Variants in PIEZO2 observed in about 807,000 individuals in gnomAD.
The protein encoded by PIEZO2 is piezo type mechanosensitive ion channel component 2, also known as piezo-type mechanosensitive ion channel component 2.
In PIEZO2, 172 loss-of-function variants were observed where a neutral mutation model predicts 337.3. That is an observed-to-expected ratio of 0.51 (90% CI 0.45 to 0.58). The LOEUF (loss-of-function observed/expected upper bound fraction) is 0.58. PIEZO2 is among the 20% of genes least tolerant of loss of function. PIEZO2 has a pLI of 0.00. For missense variants in PIEZO2, 3,028 were observed against 3,391.3 expected (o/e 0.89, Z 2.66); for synonymous variants, 1,251 against 1,228.5 (o/e 1.02, Z -0.38).
chr18:11,089,463 T>G (rs1237921051), intron 1 of PIEZO2, among the ~76,000 whole-genome samples: 1 of 152,142 alleles, frequency 6.6e-6, no homozygotes, highest in Non-Finnish European at 1.5e-5. Context: ...ACAGGTAATG[T>G]GCCTGCCCAA....
At chr18:10,972,750 A>G (rs2034293484) in intron 3 of PIEZO2, among the ~76,000 whole-genome samples, 1 of 152,166 alleles carries the variant, frequency 6.6e-6, no homozygotes, top group African/African-American at 2.4e-5. Flanking sequence ...TGGAGACAGG[A>G]TTTGGTTTGG....
rs2037586881 is a variant in PIEZO2, at chr18:10,750,073, C to G, written c.4264+18G>C. 1.3e-6 allele frequency: 2 copies of G among 1,521,790 alleles called. No homozygotes were observed. Among genetic ancestry groups the G allele is most frequent in the Non-Finnish European group, 1.8e-6 (2 of 1,132,900 alleles). The allele number at this position is 1,521,790 out of a possible 1,614,324, so 94.3% of individuals were successfully genotyped here. On this transcript the variant is annotated intron_variant, in intron 29 of 55. Transcript: ENST00000674853. This position sits in a 1 kb window ranked among gnomAD's most constrained non-coding sequence, Gnocchi z 4.1. ...CCTCTTCTGCCTTTCTGCCTTCACA[C>G]TTGCTTTTCATACTTACGCATTTGA...
chr18:10,693,356 T>TTTTGTGTGTG (rs1555625694), intron 47 of PIEZO2, among the ~76,000 whole-genome samples: 3 of 89,974 alleles, frequency 3.3e-5, no homozygotes, highest in East Asian at 6.1e-4. Flanking sequence ...AATCTGGATT[T>TTTTGTGTGTG]TGTGTGTGTG....
At chr18:10,985,988 C>T (rs1012348313) in intron 2 of PIEZO2, among the ~76,000 whole-genome samples, 1 of 151,940 alleles carries the variant, frequency 6.6e-6, no homozygotes, top group African/African-American at 2.4e-5. Flanking sequence ...AAGGAACACA[C>T]TTTATGGACA....
Position 10,824,226 on chromosome 18 carries a change from G to A in PIEZO2, c.918-16952C>T, listed in dbSNP as rs1485777. Among the ~76,000 whole-genome samples, 29,761 of 152,104 alleles carry A rather than the reference G, an allele frequency of 0.2. 3,042 individuals carry two copies. The highest frequency in any genetic ancestry group is 0.31 in the Middle Eastern group (92 of 294). ...TCTGGGGCTAGGGAATAATTTACGAGAGTAGCAAGAGACAAGTCTCCATAG... is the reference window on the plus strand; with the variant it reads ...TCTGGGGCTAGGGAATAATTTACGAAAGTAGCAAGAGACAAGTCTCCATAG... On this transcript the variant is annotated intron_variant, in intron 7 of 55. Coordinates refer to ENST00000674853, the MANE Select transcript of PIEZO2 (RefSeq NM_001378183.1). The surrounding 1 kb of genome is among the most constrained non-coding windows in gnomAD (Gnocchi z 4.4).
rs956802439 is a variant in PIEZO2 at position 10,993,209 on chromosome 18, G to A, written c.161-13549C>T. Among the ~76,000 whole-genome samples, 3 of 152,028 alleles carry A rather than the reference G, an allele frequency of 2.0e-5. No individual in the cohort carries two copies. Among genetic ancestry groups the A allele is most frequent in the African/African-American group, 4.8e-5 (2 of 41,400 alleles). On this transcript the variant is annotated intron_variant, in intron 2 of 55. Transcript: ENST00000674853. The surrounding 1 kb of genome is among the most constrained non-coding windows in gnomAD (Gnocchi z 5.0). ...ACTTCCTCTTTTCCTATTTGAATAC[G>A]CTTTATTTCCTTCTCTTGCCTGATT...
rs953678787 is a variant in PIEZO2 at position 10,980,363 on chromosome 18, A to C, written c.161-703T>G. Among the ~76,000 whole-genome samples, 2 of 152,178 alleles carry C rather than the reference A, an allele frequency of 1.3e-5. No individual in the cohort carries two copies. Among genetic ancestry groups the C allele is most frequent in the Non-Finnish European group, 2.9e-5 (2 of 68,004 alleles). Reference sequence around the variant, plus strand: ...GTTATAATTTTTAAAAACATAAAAAAAAAGGAATGGAAGGAAACATCCTTA... The same window carrying C: ...GTTATAATTTTTAAAAACATAAAAACAAAGGAATGGAAGGAAACATCCTTA... On this transcript the variant is annotated intron_variant, in intron 2 of 55. Coordinates refer to ENST00000674853, the MANE Select transcript of PIEZO2 (RefSeq NM_001378183.1). This position sits in a 1 kb window ranked among gnomAD's most constrained non-coding sequence, Gnocchi z 4.8.
rs779775479 is a variant in PIEZO2, at chr18:11,104,995, T to TA, written c.65-38774dup. Among the ~76,000 whole-genome samples the TA allele has an allele frequency of 2.6e-5, 4 of 152,110 alleles. No homozygotes were observed. The highest frequency in any genetic ancestry group is 5.9e-5 in the Non-Finnish European group (4 of 68,028). The stretch of plus-strand genomic sequence containing the variant: ...TTCGCTGGAGCTAATGGAAAAGAGA[T>TA]ACTTTTGTCATGGGAATCACTAGCT... On this transcript the variant is annotated intron_variant, in intron 1 of 55. Coordinates refer to ENST00000674853, the MANE Select transcript of PIEZO2 (RefSeq NM_001378183.1). The surrounding 1 kb of genome is among the most constrained non-coding windows in gnomAD (Gnocchi z 4.6).
chr18:10,910,006 T>A (rs2030316599), intron 4 of PIEZO2, among the ~76,000 whole-genome samples: 1 of 152,240 alleles, frequency 6.6e-6, no homozygotes, highest in Non-Finnish European at 1.5e-5. Flanking sequence ...ACCGATGTGC[T>A]ATTCTTTATT....
intron 52 of PIEZO2, among the ~76,000 whole-genome samples, chr18:10,678,249 G>A (rs2034103845): frequency 6.6e-6 from 1 of 152,220 alleles, no homozygotes; most frequent in Non-Finnish European, 1.5e-5. Context: ...TATTCAGTCA[G>A]AAATTGAATT....
At chr18:10,886,408 ATATATATATATATATG>A (rs2042601162) in intron 4 of PIEZO2, among the ~76,000 whole-genome samples, 2 of 13,756 alleles carry the variant, frequency 1.5e-4, no homozygotes, top group African/African-American at 5.3e-4. Flanking sequence ...ATATATATAT[ATATATATATATATATG>A]TAATCTCCAG....
intron 2 of PIEZO2, among the ~76,000 whole-genome samples, chr18:11,057,501 C>A (rs1453759028): frequency 6.6e-6 from 1 of 152,122 alleles, no homozygotes; most frequent in Non-Finnish European, 1.5e-5. Context: ...TTTTCTGGTT[C>A]TCTGTTAACT....
rs1278602978 is a variant in PIEZO2, at chr18:10,940,853, T to A, written c.287-29625A>T. ...CTCCAGCCTGGCTACAGAGCAAGGC[T>A]CCATCTCAAAAAAAAAAAAGAATTC... On this transcript the variant is annotated intron_variant, in intron 3 of 55. Coordinates refer to ENST00000674853, the MANE Select transcript of PIEZO2 (RefSeq NM_001378183.1). The surrounding 1 kb of genome is among the most constrained non-coding windows in gnomAD (Gnocchi z 5.3). Among the ~76,000 whole-genome samples, 2 of 151,144 alleles carry A rather than the reference T, an allele frequency of 1.3e-5. No individual in the cohort carries two copies. Among genetic ancestry groups the A allele is most frequent in the Non-Finnish European group, 2.9e-5 (2 of 67,870 alleles).
intron 44 of PIEZO2, 116 bp downstream of exon 44, chr18:10,698,803 CATAACA>C: frequency 1.6e-6 from 2 of 1,287,336 alleles, no homozygotes; most frequent in South Asian, 1.5e-5. Context: ...TTTCTTTTCA[CATAACA>C]ATGTCTGTCT....
intron 3 of PIEZO2, among the ~76,000 whole-genome samples, chr18:10,972,650 A>G (rs1264537785): frequency 6.6e-6 from 1 of 152,218 alleles, no homozygotes; most frequent in Non-Finnish European, 1.5e-5. Context: ...CAGCATTGGC[A>G]AGAAACTGAA....
chr18:10,691,338 T>A lies in PIEZO2; in HGVS notation c.7236A>T (p.Lys2412Asn). The A allele has an allele frequency of 6.2e-7, 1 of 1,613,938 alleles. No homozygotes were observed. Among genetic ancestry groups the A allele is most frequent in the Non-Finnish European group, 8.5e-7 (1 of 1,179,970 alleles). Residue 2412 changes from lysine (K) to asparagine (N), a missense_variant, in exon 48 of 56, where the codon AAA becomes AAT. Physicochemically the swap from Lys to Asn is moderately conservative, Grantham distance 94. Transcript: ENST00000674853. ...AAGCAGACAACCCGAAGTAAACACA[T>A]TTCACAAAGTACCAAAGCTGGGCAA... ...NLVAQLWYFV[K>N]CVYFGLSAYQ...
At chr18:10,994,611 T>C (rs1387543455) in intron 2 of PIEZO2, among the ~76,000 whole-genome samples, 1 of 148,824 alleles carries the variant, frequency 6.7e-6, no homozygotes, top group Admixed American at 6.7e-5. Context: ...GGTTTCACCA[T>C]GTTGGTCAGG....
At chr18:10,790,664 T>C (rs189767134) in intron 14 of PIEZO2, among the ~76,000 whole-genome samples, 44 of 152,228 alleles carry the variant, frequency 2.9e-4, no homozygotes, top group Non-Finnish European at 6.0e-4. Flanking sequence ...AGCCTCAGTT[T>C]TTCTTTCATT....
At chr18:11,004,507 T>C (rs967891891) in intron 2 of PIEZO2, among the ~76,000 whole-genome samples, 7 of 152,224 alleles carry the variant, frequency 4.6e-5, no homozygotes, top group African/African-American at 9.6e-5. Flanking sequence ...ATGAAAAGTA[T>C]GGTTTAATGT....
Sources: gnomAD v4.1 joint callset for allele counts (sites outside exome capture counted in the v4.1 genomes callset) on GRCh38, gnomAD v4.1.1 for gene constraint, Gnocchi (gnomAD v3.1) non-coding constraint, MANE v1.5 for transcripts, NCBI Gene and HGNC (gene_info 2026-07-23, HGNC 2026-07-21) for gene names.